CECR2: variants seen among roughly 807,000 people sequenced by gnomAD.
The protein encoded by CECR2 is chromatin remodeling regulator CECR2.
A neutral mutation model predicts 154.5 loss-of-function variants in CECR2; 30 were observed. That is an observed-to-expected ratio of 0.19 (90% CI 0.15 to 0.26). CECR2 has a LOEUF of 0.26. Among genes scored for constraint, CECR2 ranks in the 10% least tolerant of loss-of-function variants. CECR2 has a pLI of 1.00. For missense variants in CECR2, 1,743 were observed against 1,829.3 expected, an observed-to-expected ratio of 0.95 and a Z score of 0.86; for synonymous variants, 725 against 683.7, an observed-to-expected ratio of 1.06 and a Z score of -0.94.
intron 8 of CECR2, among the ~76,000 whole-genome samples, chr22:17,516,933 C>T (rs549920175): frequency 2.0e-5 from 3 of 151,092 alleles, no homozygotes; most frequent in South Asian, 2.1e-4. Context: ...TTTTTTGAGA[C>T]GGAGTCTCAC....
intron 6 of CECR2, among the ~76,000 whole-genome samples, chr22:17,504,510 C>T (rs2055799446): frequency 6.6e-6 from 1 of 151,892 alleles, no homozygotes; most frequent in African/African-American, 2.4e-5. Flanking sequence ...GATCTCGGCT[C>T]ACTGCAAGCT....
chr22:17,490,896 A>AG (rs1569116949), intron 2 of CECR2, among the ~76,000 whole-genome samples: 1 of 151,896 alleles, frequency 6.6e-6, no homozygotes, highest in Non-Finnish European at 1.5e-5. Context: ...GTTTCCTCCC[A>AG]CCCACTTCCC....
chr22:17,444,896 GATA>G (rs1357794579), intron 1 of CECR2, among the ~76,000 whole-genome samples: 3 of 152,188 alleles, frequency 2.0e-5, no homozygotes, highest in Admixed American at 2.0e-4. Context: ...AGGTGATACA[GATA>G]ATAATCTGAT....
chr22:17,433,844 A>T (rs1389863554), intron 1 of CECR2, among the ~76,000 whole-genome samples: 1 of 152,162 alleles, frequency 6.6e-6, no homozygotes, highest in Non-Finnish European at 1.5e-5. Context: ...GGGGGAGGTG[A>T]TGAAGAAAGC....
At chr22:17,468,701 A>G (rs1407843747) in intron 1 of CECR2, among the ~76,000 whole-genome samples, 5 of 152,180 alleles carry the variant, frequency 3.3e-5, no homozygotes, top group Non-Finnish European at 7.3e-5. Context: ...CCCCCGCCCC[A>G]TGATGACCAT....
chr22:17,429,551 C>A (rs9617579), intron 1 of CECR2, among the ~76,000 whole-genome samples: 61,690 of 134,160 alleles, frequency 0.46, 15,157 homozygotes, highest in African/African-American at 0.54. Flanking sequence ...AAAACAAAAA[C>A]AAAAACAAAG....
chr22:17,554,715 TG>T lies in CECR2; in HGVS notation c.*1876del, dbSNP rs1193469573. On this transcript the variant is annotated 3_prime_UTR_variant, in exon 19 of 19. Transcript: ENST00000262608. ...AAATTTGATGTATTTGCAAGTGGAT[TG>T]AGTTTTGAGCCTGTGTTCTCACTGG... The T allele has an allele frequency of 6.6e-6, 1 of 152,220 alleles. No homozygotes were observed. Among genetic ancestry groups the T allele is most frequent in the Non-Finnish European group, 1.5e-5 (1 of 68,040 alleles). 9.4% of individuals were successfully genotyped at this position (152,220 alleles called of 1,614,324 possible).
At chr22:17,443,278 C>CA (rs1366541290) in intron 1 of CECR2, among the ~76,000 whole-genome samples, 2 of 152,182 alleles carry the variant, frequency 1.3e-5, no homozygotes, top group Non-Finnish European at 1.5e-5. Flanking sequence ...TTAGTTTTAA[C>CA]AGTCAATAAT....
intron 4 of CECR2, 88 bp from the exon 5 acceptor site, chr22:17,500,543 A>G: frequency 2.1e-6 from 2 of 940,946 alleles, no homozygotes; most frequent in Non-Finnish European, 1.6e-6. Context: ...CCTTTTTGGT[A>G]ATCTCATGGC....
At chr22:17,383,412 C>A (rs994561875) in intron 1 of CECR2, among the ~76,000 whole-genome samples, 9 of 152,146 alleles carry the variant, frequency 5.9e-5, no homozygotes, top group African/African-American at 1.4e-4. Flanking sequence ...TCAAACCCTG[C>A]CACTGCTTTA....
intron 17 of CECR2, among the ~76,000 whole-genome samples, chr22:17,551,584 G>A (rs1156610948): frequency 6.6e-6 from 1 of 152,108 alleles, no homozygotes; most frequent in Non-Finnish European, 1.5e-5. Flanking sequence ...GCTGAGGCAG[G>A]AGGATTGCTT....
chr22:17,372,052 T>C (rs1345819663), intron 1 of CECR2, among the ~76,000 whole-genome samples: 1 of 152,232 alleles, frequency 6.6e-6, no homozygotes, highest in Non-Finnish European at 1.5e-5. Flanking sequence ...TTGATATGAC[T>C]GTCCTCTCTT....
At chr22:17,519,802 T>C (rs1392707396) in intron 8 of CECR2, among the ~76,000 whole-genome samples, 2 of 151,684 alleles carry the variant, frequency 1.3e-5, no homozygotes, top group African/African-American at 4.8e-5. Context: ...GTCTTTTTTT[T>C]TTTTTTTGAG....
chr22:17,446,233 A>G (rs994594458), intron 1 of CECR2, among the ~76,000 whole-genome samples: 152,328 of 152,346 alleles, frequency 1, 76,155 homozygotes, highest in Middle Eastern at 1. Flanking sequence ...ATCCCAAGTC[A>G]GGTGTTGCGG....
chr22:17,460,067 C>T (rs532125230), intron 1 of CECR2, among the ~76,000 whole-genome samples: 1 of 152,136 alleles, frequency 6.6e-6, no homozygotes, highest in Non-Finnish European at 1.5e-5. Flanking sequence ...TTCGTGTAAC[C>T]ATGCCTGGAC....
intron 1 of CECR2, among the ~76,000 whole-genome samples, chr22:17,361,685 G>A (rs1038780229): frequency 6.6e-6 from 1 of 151,554 alleles, no homozygotes; most frequent in Admixed American, 6.6e-5. Flanking sequence ...GGAGGTTGCA[G>A]TGAGCCGAGA....
intron 1 of CECR2, chr22:17,418,796 T>A (rs2054192987): frequency 8.4e-6 from 2 of 239,204 alleles, no homozygotes; most frequent in African/African-American, 4.6e-5. Context: ...ACAGCAGCTC[T>A]GTGTTCTTCC....
intron 1 of CECR2, among the ~76,000 whole-genome samples, chr22:17,447,404 C>G (rs1022693888): frequency 2.0e-5 from 3 of 151,942 alleles, no homozygotes; most frequent in African/African-American, 7.3e-5. Flanking sequence ...CCACCCACCT[C>G]GGCCTCCCAA....
At chr22:17,533,379 C>T (rs2056389188) in intron 9 of CECR2, among the ~76,000 whole-genome samples, 1 of 151,670 alleles carries the variant, frequency 6.6e-6, no homozygotes, top group African/African-American at 2.4e-5. Flanking sequence ...CCTACAATCC[C>T]AGCACCGTGG....
Sources: gnomAD v4.1 joint callset for allele counts (sites outside exome capture counted in the v4.1 genomes callset) on GRCh38, gnomAD v4.1.1 for gene constraint, MANE v1.5 for transcripts, NCBI Gene and HGNC (gene_info 2026-07-23, HGNC 2026-07-21) for gene names.